The following ZC3H3 variants were observed in gnomAD, a reference collection of about 807,000 sequenced individuals.
The protein encoded by ZC3H3 is zinc finger CCCH-type containing 3, also known as zinc finger CCCH domain-containing protein 3.
Under a neutral mutation model 77.3 loss-of-function variants are expected in ZC3H3, and 36 were observed. The ratio of observed to expected loss-of-function variants is 0.47; its 90% CI spans 0.36 to 0.61. The LOEUF (loss-of-function observed/expected upper bound fraction) is 0.61. Ranked by LOEUF, ZC3H3 falls within the 20% of genes least tolerant of loss-of-function variation. The pLI is 0.00. For missense variants in ZC3H3, 1,331 were observed against 1,312.2 expected (o/e 1.01, Z -0.22); for synonymous variants, 626 against 555.2 (o/e 1.13, Z -1.79).
chr8:143,503,544 A>C (rs1586932011), intron 4 of ZC3H3, among the ~76,000 whole-genome samples: 1 of 62,724 alleles, frequency 1.6e-5, no homozygotes, highest in African/African-American at 6.6e-5. Flanking sequence ...CTCCTCCAGC[A>C]CCCAGCCATC....
At chr8:143,447,739 G>A (rs926769391) in intron 9 of ZC3H3, among the ~76,000 whole-genome samples, 2 of 152,190 alleles carry the variant, frequency 1.3e-5, no homozygotes, top group Non-Finnish European at 2.9e-5. Context: ...GCAGGAGGAC[G>A]AGAGAGAGCG....
Position 143,494,153 on chromosome 8 carries a change from A to C in ZC3H3, c.1715+13593T>G, listed in dbSNP as rs894369922. Among the ~76,000 whole-genome samples the C allele has an allele frequency of 6.6e-6, 1 of 152,192 alleles. No individual in the cohort carries two copies. Among genetic ancestry groups the C allele is most frequent in the African/African-American group, 2.4e-5 (1 of 41,454 alleles). On this transcript the variant is annotated intron_variant, in intron 4 of 11. Coordinates refer to ENST00000262577, the MANE Select transcript of ZC3H3 (RefSeq NM_015117.3). The surrounding 1 kb of genome is among the most constrained non-coding windows in gnomAD (Gnocchi z 5.3). ...CCTCCCCAGGGCCAGGATGGGCCCC[A>C]AGACCCCACAGGCTGACCACGCCTG...
intron 3 of ZC3H3, among the ~76,000 whole-genome samples, chr8:143,511,096 T>A (rs1821856753): frequency 6.6e-6 from 1 of 152,262 alleles, no homozygotes; most frequent in Admixed American, 6.5e-5. Flanking sequence ...CAGCAGGGTT[T>A]GAGCTCTTGC....
At chr8:143,488,629 G>C (rs1226157643) in intron 4 of ZC3H3, among the ~76,000 whole-genome samples, 2 of 152,264 alleles carry the variant, frequency 1.3e-5, no homozygotes, top group African/African-American at 2.4e-5. Context: ...TCATGGGGTA[G>C]ACATGAGTGG....
intron 4 of ZC3H3, among the ~76,000 whole-genome samples, chr8:143,498,944 G>GGGGGTACAGGGCGGGGAAGA (rs1821442013): frequency 3.5e-5 from 5 of 142,602 alleles, no homozygotes; most frequent in Admixed American, 2.0e-4. Flanking sequence ...GGGCAGTGCA[G>GGGGGTACAGGGCGGGGAAGA]GGGGTACAGG....
chr8:143,485,973 T>G (rs920107125), intron 4 of ZC3H3, among the ~76,000 whole-genome samples: 2 of 152,174 alleles, frequency 1.3e-5, no homozygotes, highest in African/African-American at 2.4e-5. Context: ...GCCACAATGC[T>G]CACATGCTGC....
Position 143,473,916 on chromosome 8 carries a change from G to A in ZC3H3, c.1903+1482C>T, listed in dbSNP as rs372188004. Among the ~76,000 whole-genome samples the A allele has an allele frequency of 3.3e-5, 5 of 152,158 alleles. No individual in the cohort carries two copies. The East Asian group carries it at 5.8e-4, about 18-fold the overall frequency. ...AAATGACTGCTGGAGAGAAGCCCGA[G>A]GCCCCTCCCCTCCACGATACAAACA... On this transcript the variant is annotated intron_variant, in intron 5 of 11. Transcript: ENST00000262577.
At chr8:143,532,667 A>C (rs1164257781) in intron 3 of ZC3H3, among the ~76,000 whole-genome samples, 4 of 152,230 alleles carry the variant, frequency 2.6e-5, no homozygotes, top group Non-Finnish European at 4.4e-5. Context: ...GCGTTCAACG[A>C]AACAAAGCTG....
intron 4 of ZC3H3, among the ~76,000 whole-genome samples, chr8:143,500,107 G>A (rs1480208045): frequency 6.6e-6 from 1 of 152,112 alleles, no homozygotes; most frequent in African/African-American, 2.4e-5. Flanking sequence ...ACAGGCCCCT[G>A]CCCTCAAAGG....
intron 11 of ZC3H3, among the ~76,000 whole-genome samples, chr8:143,439,027 C>T (rs1286460839): frequency 3.3e-5 from 5 of 152,138 alleles, no homozygotes; most frequent in African/African-American, 7.2e-5. Context: ...TCCCAGGCCC[C>T]GCCCAAGGTG....
intron 3 of ZC3H3, among the ~76,000 whole-genome samples, chr8:143,517,038 C>T (rs746036054): frequency 6.6e-5 from 10 of 152,150 alleles, no homozygotes; most frequent in Non-Finnish European, 1.3e-4. Flanking sequence ...CAGCTGGAGA[C>T]GCAGCACCAC....
At chr8:143,526,518 G>A (rs924829729) in intron 3 of ZC3H3, among the ~76,000 whole-genome samples, 2 of 152,214 alleles carry the variant, frequency 1.3e-5, no homozygotes. Flanking sequence ...AACCAGTGGG[G>A]ATCACGGGGT....
intron 3 of ZC3H3, among the ~76,000 whole-genome samples, chr8:143,524,714 C>T (rs1354260990): frequency 2.0e-5 from 3 of 152,272 alleles, no homozygotes; most frequent in African/African-American, 2.4e-5. Context: ...CTGCGCTGCG[C>T]TGCACTGGTG....
chr8:143,447,025 C>T (rs957518863), intron 9 of ZC3H3, among the ~76,000 whole-genome samples: 40 of 152,242 alleles, frequency 2.6e-4, no homozygotes, highest in Non-Finnish European at 5.4e-4. Flanking sequence ...GCGGAGCTGA[C>T]ATGAAGGGCA....
intron 3 of ZC3H3, among the ~76,000 whole-genome samples, chr8:143,509,579 A>G (rs1045883255): frequency 3.3e-5 from 5 of 152,132 alleles, no homozygotes; most frequent in African/African-American, 9.7e-5. Context: ...GCTTCCCACC[A>G]TGGCTTCCCA....
chr8:143,462,501 C>T lies in ZC3H3; in HGVS notation c.2307+3216G>A, dbSNP rs1044845016. Among the ~76,000 whole-genome samples the T allele has an allele frequency of 8.5e-5, 13 of 152,240 alleles. No individual in the cohort carries two copies. Among genetic ancestry groups the T allele is most frequent in the African/African-American group, 3.1e-4 (13 of 41,456 alleles). ...GCGCTGTATGTGAACAAAACCAAGA[C>T]AGGCGCTGTCCAGAGGACACAGGAG... is the stretch of plus-strand genomic sequence containing the variant. On this transcript the variant is annotated intron_variant, in intron 9 of 11. Transcript: ENST00000262577. The surrounding 1 kb of genome is among the most constrained non-coding windows in gnomAD (Gnocchi z 4.7).
chr8:143,489,870 T>A (rs73715633), intron 4 of ZC3H3, among the ~76,000 whole-genome samples: 2,812 of 151,902 alleles, frequency 0.019, 80 homozygotes, highest in African/African-American at 0.064. Context: ...CTCTGGGGAG[T>A]GGACGGGGCA....
intron 4 of ZC3H3, among the ~76,000 whole-genome samples, chr8:143,482,713 G>A (rs117015811): frequency 2.0e-5 from 3 of 152,346 alleles, no homozygotes; most frequent in Non-Finnish European, 2.9e-5. Flanking sequence ...TGAGAGCTCC[G>A]AGAAGGGCGA....
At chr8:143,438,237 G>A in intron 11 of ZC3H3, 150 bp from the exon 12 acceptor site, 1 of 1,037,596 alleles carries the variant, frequency 9.6e-7, no homozygotes, top group East Asian at 2.6e-5. Context: ...TGAGTTCGAG[G>A]GAGAAGAGCA....
Sources: gnomAD v4.1 joint callset for allele counts (sites outside exome capture counted in the v4.1 genomes callset) on GRCh38, gnomAD v4.1.1 for gene constraint, Gnocchi (gnomAD v3.1) non-coding constraint, MANE v1.5 for transcripts, NCBI Gene and HGNC (gene_info 2026-07-23, HGNC 2026-07-21) for gene names.